The following KIF6 variants were observed in gnomAD, a reference collection of about 807,000 sequenced individuals.
KIF6 encodes the protein kinesin family member 6, also known as kinesin-like protein KIF6.
KIF6 carries 106 observed loss-of-function variants against 112.7 expected under a neutral mutation model. The observed-to-expected ratio is 0.94, with a 90% CI of 0.80 to 1.11. The LOEUF (loss-of-function observed/expected upper bound fraction) is 1.11, where lower values mean the gene tolerates loss of function less well. KIF6 is among the 50% of genes least tolerant of loss of function. The probability of loss-of-function intolerance (pLI) is 0.00; values close to 1 mark genes in which losing one functional copy is unlikely to be tolerated. For missense variants in KIF6, 929 were observed against 964.0 expected, an observed-to-expected ratio of 0.96 and a Z score of 0.48; for synonymous variants, 339 against 339.9, an observed-to-expected ratio of 1.00 and a Z score of 0.03.
At chr6:39,715,306 T>C (rs982650403) in intron 2 of KIF6, among the ~76,000 whole-genome samples, 5 of 152,186 alleles carry the variant, frequency 3.3e-5, no homozygotes, top group African/African-American at 9.6e-5. Context: ...TTCATTTTGT[T>C]GACCATGAGT....
At chr6:39,692,379 T>A (rs1311258924) in intron 3 of KIF6, among the ~76,000 whole-genome samples, 1 of 152,354 alleles carries the variant, frequency 6.6e-6, no homozygotes, top group Non-Finnish European at 1.5e-5. Context: ...AGCTTGTCTG[T>A]ACTCACTTTT....
At chr6:39,567,819 G>C (rs959453031) in intron 10 of KIF6, among the ~76,000 whole-genome samples, 1 of 152,124 alleles carries the variant, frequency 6.6e-6, no homozygotes, top group Non-Finnish European at 1.5e-5. Flanking sequence ...GTGTTAGCCA[G>C]GATGGTCTCG....
At chr6:39,413,851 A>G (rs989403984) in intron 15 of KIF6, among the ~76,000 whole-genome samples, 1 of 152,234 alleles carries the variant, frequency 6.6e-6, no homozygotes, top group Non-Finnish European at 1.5e-5. Context: ...GGTACAAAAA[A>G]TTAATTGAAG....
At chr6:39,692,529 T>C (rs955030043) in intron 3 of KIF6, among the ~76,000 whole-genome samples, 2 of 152,202 alleles carry the variant, frequency 1.3e-5, no homozygotes, top group Non-Finnish European at 2.9e-5. Context: ...AAGAATTACA[T>C]TGTGGAAGCT....
rs538057350 is a variant in KIF6, at chr6:39,604,218, T to G, written c.640-7958A>C. Among the ~76,000 whole-genome samples the G allele has an allele frequency of 1.1e-3, 175 of 152,312 alleles. 1 individual carries two copies. The highest frequency in any genetic ancestry group is 3.8e-3 in the African/African-American group (160 of 41,572). ...TCTAAATGTTTTCTGGGTTGGCATC[T>G]TGGCCTTTCAGGTTAAACCTCACCC... On this transcript the variant is annotated intron_variant, in intron 6 of 22. Transcript: ENST00000287152.
chr6:39,596,591 T>C (rs886277467), intron 6 of KIF6, among the ~76,000 whole-genome samples: 2 of 152,174 alleles, frequency 1.3e-5, no homozygotes, highest in Admixed American at 1.3e-4. Context: ...TGAAAATGCT[T>C]AATGTTAATC....
chr6:39,620,475 C>A (rs1469975860), intron 5 of KIF6: 2 of 152,112 alleles, frequency 1.3e-5, no homozygotes, highest in African/African-American at 4.8e-5. Flanking sequence ...CTTTATACAC[C>A]TCTTAGTTTA....
chr6:39,569,777 G>A (rs1247502062), intron 10 of KIF6, among the ~76,000 whole-genome samples: 4 of 152,216 alleles, frequency 2.6e-5, no homozygotes, highest in Non-Finnish European at 4.4e-5. Flanking sequence ...CATCAGCAAA[G>A]AGCGTGTGTG....
At chr6:39,468,906 C>T (rs1355295005) in intron 13 of KIF6, among the ~76,000 whole-genome samples, 1 of 151,916 alleles carries the variant, frequency 6.6e-6, no homozygotes, top group Non-Finnish European at 1.5e-5. Context: ...GAAACTATAA[C>T]ATATAAGTGT....
At chr6:39,396,515 G>A (rs750069615) in intron 15 of KIF6, among the ~76,000 whole-genome samples, 9 of 152,216 alleles carry the variant, frequency 5.9e-5, no homozygotes, top group Non-Finnish European at 1.3e-4. Context: ...CCCGTCAGAG[G>A]AGAGGGAGTG....
intron 10 of KIF6, among the ~76,000 whole-genome samples, chr6:39,549,054 C>T (rs148101514): frequency 7.2e-4 from 110 of 152,208 alleles, no homozygotes; most frequent in Admixed American, 1.7e-3. Flanking sequence ...AGATCTCAGC[C>T]AAATTGACTG....
chr6:39,702,264 G>A (rs2031901), intron 3 of KIF6, among the ~76,000 whole-genome samples: 49,009 of 151,898 alleles, frequency 0.32, 9,267 homozygotes, highest in Non-Finnish European at 0.41. Context: ...AGTTCACACC[G>A]CCAAGAGTGA....
intron 3 of KIF6, among the ~76,000 whole-genome samples, chr6:39,652,691 T>G (rs1025454648): frequency 1.2e-4 from 18 of 152,214 alleles, no homozygotes; most frequent in Admixed American, 9.2e-4. Flanking sequence ...TCTTCCTCTT[T>G]CATTCTCTAG....
rs1562107866 is a variant in KIF6 at position 39,342,604 on chromosome 6, TTTTTTTATTTTTTTTTATTTTTTTTTA to T, written c.2428+1078_2428+1104del. 1.8e-5 allele frequency among the ~76,000 whole-genome samples: 2 copies of T among 110,364 alleles called. No individual in the cohort carries two copies. The highest frequency in any genetic ancestry group is 1.0e-4 in the African/African-American group (2 of 19,268). 72.4% of individuals were successfully genotyped at this position (110,364 alleles called of 152,430 possible). A position where few individuals can be genotyped will look rare whatever the true frequency, so the allele number is the denominator to read the frequency against. On this transcript the variant is annotated intron_variant, in intron 22 of 22. Transcript: ENST00000287152. The surrounding 1 kb of genome is among the most constrained non-coding windows in gnomAD (Gnocchi z 4.7). ...AGATCACTGAATCCAGTTTTTTATT[TTTTTTTATTTTTTTTTATTTTTTTTTA>T]TTTTTAGACAAGGAAACTGAGAATG... is the stretch of plus-strand genomic sequence containing the variant.
intron 13 of KIF6, among the ~76,000 whole-genome samples, chr6:39,472,605 C>A (rs1274174402): frequency 6.6e-6 from 1 of 152,192 alleles, no homozygotes; most frequent in African/African-American, 2.4e-5. Context: ...CCTCTCTCCC[C>A]CTTCCCACGA....
At chr6:39,586,440 G>A in intron 7 of KIF6, 36 bp from the exon 8 acceptor site, 1 of 1,559,498 alleles carries the variant, frequency 6.4e-7, no homozygotes, top group Non-Finnish European at 8.8e-7. Flanking sequence ...GATTAATTTA[G>A]CAAGAAAATG....
intron 6 of KIF6, among the ~76,000 whole-genome samples, chr6:39,607,597 T>C (rs979358336): frequency 5.3e-5 from 8 of 152,100 alleles, no homozygotes; most frequent in African/African-American, 1.7e-4. Flanking sequence ...TTTATTTATT[T>C]ATTTATTTAT....
chr6:39,475,006 T>C (rs149965330), intron 13 of KIF6, among the ~76,000 whole-genome samples: 25 of 152,372 alleles, frequency 1.6e-4, no homozygotes, highest in Non-Finnish European at 3.5e-4. Context: ...GTTCTTTCTC[T>C]TGCATTTCTC....
intron 5 of KIF6, among the ~76,000 whole-genome samples, chr6:39,625,606 T>G (rs1251970590): frequency 6.6e-6 from 1 of 152,154 alleles, no homozygotes; most frequent in Non-Finnish European, 1.5e-5. Context: ...TTGAGATCTA[T>G]GCTTATAGGC....
Sources: gnomAD v4.1 joint callset for allele counts (sites outside exome capture counted in the v4.1 genomes callset) on GRCh38, gnomAD v4.1.1 for gene constraint, Gnocchi (gnomAD v3.1) non-coding constraint, MANE v1.5 for transcripts, NCBI Gene and HGNC (gene_info 2026-07-23, HGNC 2026-07-21) for gene names.